Variants in KHDRBS2 observed in about 807,000 individuals in gnomAD.
KHDRBS2 encodes KH domain-containing, RNA-binding, signal transduction-associated protein 2.
In KHDRBS2, 26 loss-of-function variants were observed where a neutral mutation model predicts 44.3. The observed-to-expected ratio is 0.59, with a 90% CI of 0.43 to 0.81. KHDRBS2 has a LOEUF of 0.81. Ranked by LOEUF, KHDRBS2 falls within the 40% of genes least tolerant of loss-of-function variation. KHDRBS2 has a pLI of 0.00. For synonymous variants in KHDRBS2, 194 were observed against 151.1 expected (o/e 1.28, Z -2.08); for missense variants, 476 against 433.1 (o/e 1.10, Z -0.88).
chr6:62,013,133 T>C (rs1390208261), intron 3 of KHDRBS2, among the ~76,000 whole-genome samples: 1 of 152,148 alleles, frequency 6.6e-6, no homozygotes, highest in African/African-American at 2.4e-5. Flanking sequence ...TCAAATGAGA[T>C]CCTATGGAGC....
At chr6:61,720,772 C>G (rs866917035) in intron 7 of KHDRBS2, among the ~76,000 whole-genome samples, 6 of 151,532 alleles carry the variant, frequency 4.0e-5, no homozygotes, top group Middle Eastern at 3.2e-3. Flanking sequence ...TGCAGAAGCT[C>G]TTTAGTTTAA....
At chr6:61,814,159 C>G in intron 6 of KHDRBS2, 1 of 422,142 alleles carries the variant, frequency 2.4e-6, no homozygotes, top group East Asian at 7.0e-5. Context: ...AAACAGATAT[C>G]AAGTGAATTC....
At chr6:61,781,240 C>G (rs959711218) in intron 6 of KHDRBS2, among the ~76,000 whole-genome samples, 1 of 152,116 alleles carries the variant, frequency 6.6e-6, no homozygotes, top group Non-Finnish European at 1.5e-5. Context: ...TATAATTTAG[C>G]ATCCCAGTAA....
chr6:62,183,817 G>C (rs1352569124), intron 1 of KHDRBS2, among the ~76,000 whole-genome samples: 2 of 151,586 alleles, frequency 1.3e-5, no homozygotes, highest in Non-Finnish European at 3.0e-5. Flanking sequence ...GCTCATCTAT[G>C]ATCAAAATTC....
At chr6:62,122,421 C>A (rs905014633) in intron 2 of KHDRBS2, among the ~76,000 whole-genome samples, 4 of 152,118 alleles carry the variant, frequency 2.6e-5, no homozygotes, top group Non-Finnish European at 5.9e-5. Flanking sequence ...TGCTTTCTGA[C>A]CTATCTAACC....
chr6:61,951,526 T>C (rs1220986690), intron 4 of KHDRBS2, among the ~76,000 whole-genome samples: 1 of 152,090 alleles, frequency 6.6e-6, no homozygotes, highest in Non-Finnish European at 1.5e-5. Flanking sequence ...AGATTATGCC[T>C]CCTAACATAT....
intron 1 of KHDRBS2, among the ~76,000 whole-genome samples, chr6:62,258,673 T>C (rs1244236274): frequency 6.6e-6 from 1 of 152,044 alleles, no homozygotes; most frequent in Admixed American, 6.6e-5. Context: ...TATAAATGAA[T>C]TTCATGATTA....
At chr6:61,970,550 T>C (rs927984020) in intron 4 of KHDRBS2, among the ~76,000 whole-genome samples, 5 of 152,138 alleles carry the variant, frequency 3.3e-5, no homozygotes, top group Non-Finnish European at 5.9e-5. Context: ...TAGAGATTAC[T>C]GAGAGAGAAC....
intron 2 of KHDRBS2, among the ~76,000 whole-genome samples, chr6:62,097,466 C>G (rs369001381): frequency 1.3e-5 from 2 of 151,864 alleles, no homozygotes; most frequent in East Asian, 3.9e-4. Flanking sequence ...AAATTGACCC[C>G]TTTATCTTTG....
intron 6 of KHDRBS2, among the ~76,000 whole-genome samples, chr6:61,814,387 T>A (rs1172738361): frequency 6.6e-6 from 1 of 152,036 alleles, no homozygotes; most frequent in East Asian, 1.9e-4. Context: ...GGAGGGTGGA[T>A]CATGAGGTCA....
chr6:61,910,038 C>A (rs1252614132), intron 4 of KHDRBS2, among the ~76,000 whole-genome samples: 7 of 152,100 alleles, frequency 4.6e-5, no homozygotes, highest in African/African-American at 1.4e-4. Flanking sequence ...CCTTTCTGGG[C>A]CATGACAAAG....
intron 6 of KHDRBS2, among the ~76,000 whole-genome samples, chr6:61,775,233 AG>A (rs1375903899): frequency 6.6e-6 from 1 of 152,136 alleles, no homozygotes; most frequent in Non-Finnish European, 1.5e-5. Flanking sequence ...AATGGGCACA[AG>A]ACAGGGATGC....
At chr6:62,128,729 A>T (rs1300718833) in intron 2 of KHDRBS2, among the ~76,000 whole-genome samples, 1 of 151,884 alleles carries the variant, frequency 6.6e-6, no homozygotes, top group Non-Finnish European at 1.5e-5. Context: ...TTTTTAGTGT[A>T]GATGTTTATA....
chr6:62,169,164 C>CATATATGT (rs1457325362), intron 2 of KHDRBS2, among the ~76,000 whole-genome samples: 2 of 73,362 alleles, frequency 2.7e-5, no homozygotes, highest in East Asian at 7.4e-4. Flanking sequence ...TATACGTACA[C>CATATATGT]ATATATGTAT....
intron 4 of KHDRBS2, among the ~76,000 whole-genome samples, chr6:61,916,424 C>CAT (rs141844408): frequency 0.011 from 1,724 of 151,582 alleles, 32 homozygotes; most frequent in African/African-American, 0.038. Flanking sequence ...TATATTTATA[C>CAT]ATATATATAT....
At chr6:62,069,933 T>C (rs1258294455) in intron 2 of KHDRBS2, among the ~76,000 whole-genome samples, 3 of 151,796 alleles carry the variant, frequency 2.0e-5, no homozygotes, top group Admixed American at 6.6e-5. Flanking sequence ...ATTTTATGCA[T>C]TGATGGATAC....
At chr6:61,682,753 G>A (rs771792279) in intron 8 of KHDRBS2, among the ~76,000 whole-genome samples, 2 of 151,826 alleles carry the variant, frequency 1.3e-5, no homozygotes, top group South Asian at 2.1e-4. Context: ...AATCTTTTGA[G>A]GGCAGGAATT....
intron 3 of KHDRBS2, among the ~76,000 whole-genome samples, chr6:62,007,823 GAT>G (rs1369253629): frequency 6.6e-6 from 1 of 151,992 alleles, no homozygotes; most frequent in Non-Finnish European, 1.5e-5. Context: ...TCATATCTAT[GAT>G]ATATTTATAA....
intron 1 of KHDRBS2, among the ~76,000 whole-genome samples, chr6:62,205,707 TC>T (rs1827833690): frequency 6.6e-6 from 1 of 152,094 alleles, no homozygotes; most frequent in Non-Finnish European, 1.5e-5. Context: ...AAGACAGGTT[TC>T]CTTTCTCAGC....
Sources: gnomAD v4.1 joint callset for allele counts (sites outside exome capture counted in the v4.1 genomes callset) on GRCh38, gnomAD v4.1.1 for gene constraint, MANE v1.5 for transcripts, NCBI Gene and HGNC (gene_info 2026-07-23, HGNC 2026-07-21) for gene names.